The following RTF2 variants were observed in gnomAD, a reference collection of about 807,000 sequenced individuals.
RTF2 encodes the protein replication termination factor 2.
Under a neutral mutation model 38.0 loss-of-function variants are expected in RTF2, and 18 were observed. The observed-to-expected ratio is 0.47, with a 90% CI of 0.33 to 0.70. The LOEUF (loss-of-function observed/expected upper bound fraction) is 0.70. Among genes scored for constraint, RTF2 ranks in the 30% least tolerant of loss-of-function variants. RTF2 has a pLI of 0.02. For synonymous variants in RTF2, 126 were observed against 137.1 expected (o/e 0.92, Z 0.57); for missense variants, 311 against 379.6 (o/e 0.82, Z 1.50).
chr20:56,493,963 C>T (rs1983342225), intron 5 of RTF2, among the ~76,000 whole-genome samples: 1 of 152,156 alleles, frequency 6.6e-6, no homozygotes, highest in Non-Finnish European at 1.5e-5. Flanking sequence ...CCAGTCTGAG[C>T]CCCAGCCCTG....
At chr20:56,480,004 A>G (rs752377666) in intron 4 of RTF2, among the ~76,000 whole-genome samples, 6 of 152,164 alleles carry the variant, frequency 3.9e-5, no homozygotes, top group Non-Finnish European at 7.4e-5. Flanking sequence ...CATTGGCCCA[A>G]CTGAAAGTCA....
intron 4 of RTF2, among the ~76,000 whole-genome samples, chr20:56,481,632 TAC>T (rs944375824): frequency 4.7e-5 from 7 of 150,362 alleles, no homozygotes; most frequent in African/African-American, 9.9e-5. Flanking sequence ...CACACACATA[TAC>T]ACACACGTAT....
chr20:56,470,211 A>G (rs1486814599), intron 1 of RTF2, among the ~76,000 whole-genome samples: 1 of 152,160 alleles, frequency 6.6e-6, no homozygotes, highest in African/African-American at 2.4e-5. Flanking sequence ...AGCATTCATG[A>G]GTGGTTTTTT....
intron 5 of RTF2, among the ~76,000 whole-genome samples, chr20:56,491,970 A>G (rs1006847289): frequency 6.6e-6 from 1 of 152,102 alleles, no homozygotes. Flanking sequence ...CTTACGGTGG[A>G]AAGGCGCACT....
intron 3 of RTF2, among the ~76,000 whole-genome samples, chr20:56,475,703 C>T (rs1277586551): frequency 6.6e-6 from 1 of 152,052 alleles, no homozygotes. Context: ...AGATGTGCCT[C>T]TCTCAAGCCT....
chr20:56,484,296 T>G lies in RTF2; in HGVS notation c.477+107T>G, dbSNP rs144559435. 3.3e-4 allele frequency: 321 copies of G among 982,866 alleles called. 1 individual carries two copies. In the African/African-American group the frequency reaches 4.7e-3, roughly 14 times the overall value. 60.9% of individuals were successfully genotyped at this position (982,866 alleles called of 1,614,324 possible). ...TCTTTCTGAAATCAGCTCTCATAAG[T>G]TGCTTTTCTGCTTCCATGGCTCTTG... On this transcript the variant is annotated intron_variant, in intron 5 of 8. Coordinates refer to ENST00000357348, the MANE Select transcript of RTF2 (RefSeq NM_016407.5).
At chr20:56,496,915 G>A (rs1983582416) in intron 5 of RTF2, 2 of 1,551,666 alleles carry the variant, frequency 1.3e-6, no homozygotes, top group African/African-American at 1.4e-5. Context: ...ATTACTCCAG[G>A]AGTAATATTT....
At chr20:56,492,447 C>A (rs1466102354) in intron 5 of RTF2, among the ~76,000 whole-genome samples, 1 of 144,906 alleles carries the variant, frequency 6.9e-6, no homozygotes, top group Non-Finnish European at 1.5e-5. Flanking sequence ...AGGCCAGGCA[C>A]GGTGGCTCAC....
rs1984824409 is a variant in RTF2, at chr20:56,513,443, C to T, written c.591+15C>T. The T allele has an allele frequency of 6.4e-7, 1 of 1,567,184 alleles. No individual in the cohort carries two copies. Among genetic ancestry groups the T allele is most frequent in the Non-Finnish European group, 8.6e-7 (1 of 1,156,652 alleles). Reference sequence around the variant, plus strand: ...AGCTGGAAAAGGTAATGGGAGTCTTCAGGTTCCGCCCAGCCCCCATCTCTG... The same window carrying T: ...AGCTGGAAAAGGTAATGGGAGTCTTTAGGTTCCGCCCAGCCCCCATCTCTG... On this transcript the variant is annotated intron_variant, in intron 6 of 8. Coordinates refer to ENST00000357348, the MANE Select transcript of RTF2 (RefSeq NM_016407.5).
intron 5 of RTF2, among the ~76,000 whole-genome samples, chr20:56,511,071 A>G (rs778097459): frequency 6.6e-6 from 1 of 152,202 alleles, no homozygotes; most frequent in Non-Finnish European, 1.5e-5. Flanking sequence ...TTGTTGTGAC[A>G]TTGTCATGTA....
chr20:56,517,617 C>G (rs1985132660), intron 8 of RTF2, among the ~76,000 whole-genome samples: 1 of 152,172 alleles, frequency 6.6e-6, no homozygotes, highest in Non-Finnish European at 1.5e-5. Flanking sequence ...TCTGCTGCCT[C>G]TTGACCAAGG....
rs78987164 is a variant in RTF2 at position 56,472,470 on chromosome 20, A to T, written c.70-831A>T. The T allele has an allele frequency of 1.3e-3, 1,373 of 1,033,474 alleles. 16 individuals are homozygous for T. The African/African-American group carries it at 0.019, about 14-fold the overall frequency. 64.0% of individuals were successfully genotyped at this position (1,033,474 alleles called of 1,614,324 possible). ...GAGGGTCTTATGTCTGGATTTTCAT[A>T]CTGGGGATAAAGTTTGATGTATCCC... On this transcript the variant is annotated intron_variant, in intron 1 of 8. Coordinates refer to ENST00000357348, the MANE Select transcript of RTF2 (RefSeq NM_016407.5).
intron 4 of RTF2, 123 bp downstream of exon 4, chr20:56,477,247 C>T (rs371924706): frequency 3.1e-5 from 34 of 1,104,472 alleles, no homozygotes; most frequent in Admixed American, 5.2e-5. Flanking sequence ...GGTTTGGTGG[C>T]GCCTTGGAGG....
chr20:56,511,290 C>T (rs868172239), intron 5 of RTF2, among the ~76,000 whole-genome samples: 1 of 152,104 alleles, frequency 6.6e-6, no homozygotes, highest in Non-Finnish European at 1.5e-5. Flanking sequence ...GCTCCATCAG[C>T]GGCATTAGAT....
In RTF2 at chr20:56,469,721, A is replaced by G. The variant is rs1215941016; in HGVS notation, c.69+955A>G. On this transcript the variant is annotated intron_variant, in intron 1 of 8. Coordinates refer to ENST00000357348, the MANE Select transcript of RTF2 (RefSeq NM_016407.5). ...ATTTGAAGCATTCCAGTGGCTTCCC[A>G]TCACATTAAGAATAAAATCTCGTCA... Among the ~76,000 whole-genome samples, 8 of 152,158 alleles carry G rather than the reference A, an allele frequency of 5.3e-5. 1 individual carries two copies. The South Asian group carries it at 1.0e-3, about 20-fold the overall frequency.
At chr20:56,481,533 A>T (rs16979973) in intron 4 of RTF2, among the ~76,000 whole-genome samples, 1 of 152,024 alleles carries the variant, frequency 6.6e-6, no homozygotes, top group African/African-American at 2.4e-5. Flanking sequence ...GTCAAGTAAG[A>T]CATATTCTGG....
At chr20:56,487,703 C>T (rs1413591222) in intron 5 of RTF2, among the ~76,000 whole-genome samples, 1 of 152,192 alleles carries the variant, frequency 6.6e-6, no homozygotes, top group Admixed American at 6.5e-5. Context: ...GATGACTTAC[C>T]GGAAAGTCAT....
intron 5 of RTF2, among the ~76,000 whole-genome samples, chr20:56,491,991 T>C (rs1983178948): frequency 6.6e-6 from 1 of 152,160 alleles, no homozygotes; most frequent in Admixed American, 6.5e-5. Context: ...TTCATTCTTT[T>C]AGTGATTTCT....
chr20:56,489,860 C>G (rs986209250), intron 5 of RTF2, among the ~76,000 whole-genome samples: 2 of 152,240 alleles, frequency 1.3e-5, no homozygotes, highest in African/African-American at 4.8e-5. Flanking sequence ...CGTGGCTAAT[C>G]TGAGCTTTCT....
Sources: allele counts gnomAD v4.1 joint callset (sites outside exome capture counted in the v4.1 genomes callset), GRCh38; gene constraint gnomAD v4.1.1; transcripts MANE v1.5; gene names NCBI Gene and HGNC (gene_info 2026-07-23, HGNC 2026-07-21).